MAT2B: variants seen among roughly 807,000 people sequenced by gnomAD.
MAT2B encodes methionine adenosyltransferase 2 non-catalytic beta subunit.
A neutral mutation model predicts 36.1 loss-of-function variants in MAT2B; 16 were observed. The ratio of observed to expected loss-of-function variants is 0.44; its 90% CI spans 0.30 to 0.67. The LOEUF is 0.67. Ranked by LOEUF, MAT2B falls within the 30% of genes least tolerant of loss-of-function variation. The pLI is 0.09. For synonymous variants in MAT2B, 148 were observed against 136.9 expected (o/e 1.08, Z -0.57); for missense variants, 332 against 398.2 (o/e 0.83, Z 1.42).
At chr5:163,513,103 G>A (rs765737060) in intron 2 of MAT2B, 17 of 169,790 alleles carry the variant, frequency 1.0e-4, no homozygotes, top group Admixed American at 1.7e-4. Flanking sequence ...CTTCTGCCTC[G>A]GCCTCCACAA....
chr5:163,518,134 C>A, intron 6 of MAT2B, 59 bp from the exon 7 acceptor site: 1 of 1,232,510 alleles, frequency 8.1e-7, no homozygotes, highest in Admixed American at 2.6e-5. Flanking sequence ...GGGAACAAAG[C>A]CCTCAAAATA....
chr5:163,509,408 C>A (rs376702815), intron 1 of MAT2B, among the ~76,000 whole-genome samples: 154 of 152,194 alleles, frequency 1.0e-3, no homozygotes, highest in African/African-American at 3.6e-3. Context: ...TCCTGGAGTT[C>A]GAGAGTACAC....
intron 4 of MAT2B, among the ~76,000 whole-genome samples, 160 bp downstream of exon 4, chr5:163,514,154 T>C (rs967341234): frequency 6.6e-6 from 1 of 152,230 alleles, no homozygotes; most frequent in East Asian, 1.9e-4. Flanking sequence ...TTCTAAGAGA[T>C]AACTACTTTG....
At chr5:163,514,628 C>G (rs1217271839) in intron 4 of MAT2B, among the ~76,000 whole-genome samples, 1 of 151,428 alleles carries the variant, frequency 6.6e-6, no homozygotes, top group Non-Finnish European at 1.5e-5. Context: ...TTTCCCTCAA[C>G]ATCTTTGCAT....
chr5:163,518,381 CTT>C lies in MAT2B; in HGVS notation c.*29_*30del, dbSNP rs200442777. 1.8e-3 allele frequency: 2,356 copies of C among 1,336,082 alleles called. No homozygotes were observed. The highest frequency in any genetic ancestry group is 4.9e-3 in the South Asian group (346 of 71,266). 82.8% of individuals were successfully genotyped at this position (1,336,082 alleles called of 1,614,324 possible). On this transcript the variant is annotated 3_prime_UTR_variant, in exon 7 of 7. Transcript: ENST00000321757. ...TTCATTAGTTTATTTGTGTTGGGTT[CTT>C]TTTTTTTTTTAAATGAAAAGTATAG...
chr5:163,512,046 C>T lies in MAT2B; in HGVS notation c.108C>T (p.Ala36=). The change falls in exon 2 of 7, where the codon GCC becomes GCT. Residue 36 remains alanine (A), a synonymous_variant. Coordinates refer to ENST00000321757, the MANE Select transcript of MAT2B (RefSeq NM_013283.5). ...ATAGGAGGGTTCTGGTTACTGGTGC[C>T]ACTGGGCTTCTTGGCAGAGCTGTAC... The part of the protein sequence containing the change: ...IPNRRVLVTG[A]TGLLGRAVHK... 6.2e-7 allele frequency: 1 copy of T among 1,614,094 alleles called. No homozygotes were observed. The highest frequency in any genetic ancestry group is 8.5e-7 in the Non-Finnish European group (1 of 1,179,994).
At chr5:163,510,116 C>T (rs535746917) in intron 1 of MAT2B, among the ~76,000 whole-genome samples, 8 of 152,018 alleles carry the variant, frequency 5.3e-5, no homozygotes, top group Admixed American at 3.9e-4. Flanking sequence ...TTTTGACAGC[C>T]CAGAATTAGG....
chr5:163,505,797 G>T, intron 1 of MAT2B, 48 bp downstream of exon 1: 1 of 1,239,304 alleles, frequency 8.1e-7, no homozygotes, highest in Non-Finnish European at 1.0e-6. Context: ...GGGCGCCGAG[G>T]GGGACGAGCC....
rs1760083971 is a variant in MAT2B at position 163,513,608 on chromosome 5, T to C, written c.312T>C (p.Asn104=). 3 of 1,613,864 alleles carry C rather than the reference T, an allele frequency of 1.9e-6. No individual in the cohort carries two copies. The highest frequency in any genetic ancestry group is 2.5e-6 in the Non-Finnish European group (3 of 1,179,922). The change falls in exon 3 of 7, where the codon AAT becomes AAC. Residue 104 remains asparagine (N), a synonymous_variant. Transcript: ENST00000321757. ...AAERRPDVVE[N]QPDAASQLNV... ...AGAGAAGACCAGATGTTGTAGAAAATCAGCCAGATGCTGCCTCTCAACTTA... is the reference window on the plus strand; with the variant it reads ...AGAGAAGACCAGATGTTGTAGAAAACCAGCCAGATGCTGCCTCTCAACTTA...
intron 1 of MAT2B, among the ~76,000 whole-genome samples, chr5:163,508,071 C>T (rs547225915): frequency 6.6e-6 from 1 of 152,200 alleles, no homozygotes; most frequent in East Asian, 1.9e-4. Context: ...TTCATGAAAC[C>T]AAATATTAGT....
At chr5:163,505,337 TTTCCCGAGTCAAGAAAAA>T (rs552355119), upstream of MAT2B, among the ~76,000 whole-genome samples, 123 of 152,270 alleles carry the variant, frequency 8.1e-4, no homozygotes, top group African/African-American at 2.8e-3. Flanking sequence ...ACTTCAATCT[TTTCCCGAGTCAAGAAAAA>T]AAGGAAAAAA....
Position 163,505,642 on chromosome 5 carries a change from G to C in MAT2B, c.-45G>C, listed in dbSNP as rs1346937070. 4 of 1,258,156 alleles carry C rather than the reference G, an allele frequency of 3.2e-6. No individual in the cohort carries two copies. The Admixed American group carries it at 1.2e-4, about 39-fold the overall frequency. The allele number at this position is 1,258,156 out of a possible 1,614,324, so 77.9% of individuals were successfully genotyped here. The stretch of plus-strand genomic sequence containing the variant: ...CTGAGGCCCGCGTCGATCCTGGGTT[G>C]GAGGAGGTGGCGGCCGCTGAGGCTG... On this transcript the variant is annotated 5_prime_UTR_variant, in exon 1 of 7. Transcript: ENST00000321757.
intron 6 of MAT2B, 52 bp downstream of exon 6, chr5:163,517,726 T>C (rs753002572): frequency 9.0e-7 from 1 of 1,117,110 alleles, no homozygotes; most frequent in South Asian, 1.3e-5. Flanking sequence ...GTATATATTA[T>C]TGCTGTGTTG....
At position 163,514,100 on chromosome 5, in the gene MAT2B, CATT is replaced by C. The variant is rs532224776; in HGVS notation, c.526+108_526+110del. Reference sequence around the variant, plus strand: ...ATTTAAAAAGTCAATGAATATGAATCATTAGAGAAAAATTAGAATATAGTTAAT... The same window carrying C: ...ATTTAAAAAGTCAATGAATATGAATCAGAGAAAAATTAGAATATAGTTAAT... On this transcript the variant is annotated intron_variant, in intron 4 of 6. Transcript: ENST00000321757. The C allele has an allele frequency of 5.5e-4, 478 of 874,720 alleles. 1 individual carries two copies. The African/African-American group carries it at 7.0e-3, about 13-fold the overall frequency. 54.2% of individuals were successfully genotyped at this position (874,720 alleles called of 1,614,324 possible). A position where few individuals can be genotyped will look rare whatever the true frequency, so the allele number is the denominator to read the frequency against.
At chr5:163,505,792 C>G in intron 1 of MAT2B, 43 bp downstream of exon 1, 1 of 1,245,472 alleles carries the variant, frequency 8.0e-7, no homozygotes, top group Non-Finnish European at 1.0e-6. Context: ...AGCGGGGGCG[C>G]CGAGGGGGAC....
intron 2 of MAT2B, chr5:163,513,066 G>T (rs1444899584): frequency 3.5e-5 from 6 of 172,432 alleles, no homozygotes; most frequent in Admixed American, 1.1e-4. Flanking sequence ...GCCCACTGTA[G>T]CCTTGAATTC....
chr5:163,512,562 A>C (rs1760062606), intron 2 of MAT2B: 1 of 385,968 alleles, frequency 2.6e-6, no homozygotes, highest in Non-Finnish European at 4.9e-6. Context: ...TATCATTGAT[A>C]CTATTCTCCC....
At chr5:163,506,467 A>G (rs1759940787) in intron 1 of MAT2B, among the ~76,000 whole-genome samples, 1 of 152,092 alleles carries the variant, frequency 6.6e-6, no homozygotes, top group Non-Finnish European at 1.5e-5. Context: ...ATCCTGCTCC[A>G]TTCCACTTAA....
chr5:163,507,256 T>A (rs1759963132), intron 1 of MAT2B, among the ~76,000 whole-genome samples: 1 of 152,242 alleles, frequency 6.6e-6, no homozygotes, highest in African/African-American at 2.4e-5. Flanking sequence ...TTAATGCAGG[T>A]GTGCTAAAGT....
Sources: gnomAD v4.1 joint callset for allele counts (sites outside exome capture counted in the v4.1 genomes callset) on GRCh38, gnomAD v4.1.1 for gene constraint, MANE v1.5 for transcripts, NCBI Gene and HGNC (gene_info 2026-07-23, HGNC 2026-07-21) for gene names.